The following UIMC1 variants were observed in gnomAD, a reference collection of about 807,000 sequenced individuals.
UIMC1 encodes BRCA1-A complex subunit RAP80.
Under a neutral mutation model 84.9 loss-of-function variants are expected in UIMC1, and 42 were observed. That is an observed-to-expected ratio of 0.49 (90% CI 0.39 to 0.64). The LOEUF (loss-of-function observed/expected upper bound fraction) is 0.64. Among genes scored for constraint, UIMC1 ranks in the 30% least tolerant of loss-of-function variants. UIMC1 has a pLI of 0.00. For synonymous variants in UIMC1, 281 were observed against 293.0 expected, an observed-to-expected ratio of 0.96 and a Z score of 0.42; for missense variants, 825 against 847.6, an observed-to-expected ratio of 0.97 and a Z score of 0.33.
chr5:176,934,281 G>GA (rs1259503599), intron 10 of UIMC1, among the ~76,000 whole-genome samples: 2 of 152,136 alleles, frequency 1.3e-5, no homozygotes, highest in Non-Finnish European at 2.9e-5. Flanking sequence ...TTAGAGGTAT[G>GA]AACAAACACT....
chr5:176,982,438 C>A, intron 2 of UIMC1, 31 bp downstream of exon 2: 1 of 1,597,802 alleles, frequency 6.3e-7, no homozygotes. Flanking sequence ...TTGAGAGCTA[C>A]AGCTCTACTT....
chr5:176,929,238 G>C (rs962942405), intron 10 of UIMC1, among the ~76,000 whole-genome samples: 4 of 151,236 alleles, frequency 2.6e-5, no homozygotes, highest in Non-Finnish European at 5.9e-5. Context: ...CTGGGTGACA[G>C]AGCAAGACTC....
Position 176,955,958 on chromosome 5 carries a change from C to A in UIMC1, c.1339+1G>T. On this transcript the variant is annotated splice_donor_variant, in intron 8 of 14. Coordinates refer to ENST00000511320, the MANE Select transcript of UIMC1 (RefSeq NM_001199298.2). LOFTEE classifies it high-confidence loss of function. ...CAGTAAAATCACAGTGGGGTACTTA[C>A]CAGGACAAACAGTGATTTCTTCTGC... The A allele has an allele frequency of 1.2e-6, 2 of 1,613,176 alleles. No individual in the cohort carries two copies. The highest frequency in any genetic ancestry group is 1.1e-5 in the South Asian group (1 of 90,954).
chr5:176,991,096 C>T (rs1772773899), intron 1 of UIMC1, among the ~76,000 whole-genome samples: 1 of 152,098 alleles, frequency 6.6e-6, no homozygotes, highest in East Asian at 1.9e-4. Flanking sequence ...CAAGCTCTGC[C>T]TCCCAGGTTC....
At chr5:176,976,474 C>T (rs1314266165) in intron 2 of UIMC1, among the ~76,000 whole-genome samples, 1 of 152,168 alleles carries the variant, frequency 6.6e-6, no homozygotes, top group South Asian at 2.1e-4. Context: ...TATCACTTCA[C>T]ACCCACTAGG....
intron 2 of UIMC1, among the ~76,000 whole-genome samples, chr5:176,980,779 G>T (rs1025388909): frequency 6.6e-6 from 1 of 152,074 alleles, no homozygotes; most frequent in Non-Finnish European, 1.5e-5. Flanking sequence ...TTTAGATGGA[G>T]TGCAGTGGTA....
At chr5:177,022,507 TCC>T in exon 1 of UIMC1, 1 of 503,518 alleles carries the variant, frequency 2.0e-6, no homozygotes, top group Non-Finnish European at 3.5e-6. Flanking sequence ...CACGAGCCTC[TCC>T]GGGAGGGGGG....
At chr5:177,000,498 CTTTTTTTT>C (rs966855813) in intron 1 of UIMC1, among the ~76,000 whole-genome samples, 1 of 113,338 alleles carries the variant, frequency 8.8e-6, no homozygotes, top group African/African-American at 4.0e-5. Flanking sequence ...ACTTGCATGT[CTTTTTTTT>C]TTTTTTTTTT....
chr5:176,912,970 C>T (rs187640761), intron 10 of UIMC1, among the ~76,000 whole-genome samples: 1 of 152,126 alleles, frequency 6.6e-6, no homozygotes, highest in African/African-American at 2.4e-5. Context: ...GCCCGGCCAA[C>T]TTGGCTGTAT....
chr5:177,011,434 T>G (rs546590803), upstream of UIMC1, among the ~76,000 whole-genome samples: 70 of 151,662 alleles, frequency 4.6e-4, no homozygotes, highest in African/African-American at 1.4e-3. Context: ...CATTTAAAAT[T>G]TAGCTGGCTA....
chr5:176,950,617 C>T (rs1167151062), intron 9 of UIMC1, among the ~76,000 whole-genome samples: 1 of 151,656 alleles, frequency 6.6e-6, no homozygotes, highest in Non-Finnish European at 1.5e-5. Context: ...CGCCTGTAAT[C>T]CCAGCACTTT....
At chr5:176,997,038 A>G (rs1451268514) in intron 1 of UIMC1, among the ~76,000 whole-genome samples, 5 of 152,162 alleles carry the variant, frequency 3.3e-5, no homozygotes, top group East Asian at 1.9e-4. Context: ...GTGCGCACAC[A>G]CACACACACA....
At chr5:176,965,625 C>A (rs961797696) in intron 6 of UIMC1, among the ~76,000 whole-genome samples, 7 of 152,086 alleles carry the variant, frequency 4.6e-5, no homozygotes, top group African/African-American at 1.7e-4. Context: ...CTAGCCAAGT[C>A]CTCTTTTTAA....
At chr5:177,000,946 T>TC (rs769528172) in intron 1 of UIMC1, among the ~76,000 whole-genome samples, 1 of 152,212 alleles carries the variant, frequency 6.6e-6, no homozygotes, top group Non-Finnish European at 1.5e-5. Context: ...AAATATTTTC[T>TC]CCTATCCTGT....
At position 176,954,508 on chromosome 5, in the gene UIMC1, G is replaced by A. The variant is rs146171148; in HGVS notation, c.1339+1451C>T. Among the ~76,000 whole-genome samples, 1,101 of 152,168 alleles carry A rather than the reference G, an allele frequency of 7.2e-3. 4 individuals are homozygous for A. The highest frequency in any genetic ancestry group is 0.011 in the South Asian group (53 of 4,824). ...CCAGCACTTTAGGAAGCCAAAGCGG[G>A]AGGATTACTTGAGCTCAGGAGTTTA... On this transcript the variant is annotated intron_variant, in intron 8 of 14. Coordinates refer to ENST00000511320, the MANE Select transcript of UIMC1 (RefSeq NM_001199298.2).
rs574776904 is a variant in UIMC1 at position 177,000,865 on chromosome 5, AT to A, written c.-9+5784del. 7.2e-5 allele frequency among the ~76,000 whole-genome samples: 11 copies of A among 151,814 alleles called. No individual in the cohort carries two copies. The South Asian group carries it at 1.7e-3, about 23-fold the overall frequency. On this transcript the variant is annotated intron_variant, in intron 1 of 14. Transcript: ENST00000511320. Reference sequence around the variant, plus strand: ...CCCATTTTTTAAATTGGATTATTAGATTTTTTTTCCTATAGAGTTGAGTTCC... The same window carrying A: ...CCCATTTTTTAAATTGGATTATTAGATTTTTTTCCTATAGAGTTGAGTTCC...
At chr5:176,952,319 A>G (rs1356175593) in intron 8 of UIMC1, among the ~76,000 whole-genome samples, 1 of 152,248 alleles carries the variant, frequency 6.6e-6, no homozygotes, top group African/African-American at 2.4e-5. Context: ...TTTCTTTAAT[A>G]TATTCTTTAA....
At chr5:177,000,327 T>C (rs987097976) in intron 1 of UIMC1, among the ~76,000 whole-genome samples, 3 of 152,058 alleles carry the variant, frequency 2.0e-5, no homozygotes, top group Admixed American at 1.3e-4. Flanking sequence ...CCACCAACAG[T>C]GTACAAGGGT....
intron 9 of UIMC1, among the ~76,000 whole-genome samples, chr5:176,950,001 G>A (rs1311541743): frequency 2.0e-5 from 3 of 151,402 alleles, no homozygotes; most frequent in Non-Finnish European, 2.9e-5. Context: ...ATTGCAGTGA[G>A]CCGAGATCGC....
Sources: allele counts gnomAD v4.1 joint callset (sites outside exome capture counted in the v4.1 genomes callset), GRCh38; gene constraint gnomAD v4.1.1; transcripts MANE v1.5; gene names NCBI Gene and HGNC (gene_info 2026-07-23, HGNC 2026-07-21).